Variants in CRISPLD1 observed in about 807,000 individuals in gnomAD.
CRISPLD1 encodes the protein cysteine-rich secretory protein LCCL domain-containing 1.
A neutral mutation model predicts 77.5 loss-of-function variants in CRISPLD1; 60 were observed. That is an observed-to-expected ratio of 0.77 (90% CI 0.63 to 0.96). The LOEUF is 0.96. Among genes scored for constraint, CRISPLD1 ranks in the 40% least tolerant of loss-of-function variants. CRISPLD1 has a pLI of 0.00. For missense variants in CRISPLD1, 623 were observed against 615.8 expected (o/e 1.01, Z -0.12); for synonymous variants, 195 against 200.1 (o/e 0.97, Z 0.22).
intron 2 of CRISPLD1, among the ~76,000 whole-genome samples, chr8:74,995,232 G>C (rs1812628861): frequency 6.6e-6 from 1 of 152,150 alleles, no homozygotes; most frequent in South Asian, 2.1e-4. Context: ...AGAAGAACAT[G>C]ATGACCTGGA....
intron 2 of CRISPLD1, among the ~76,000 whole-genome samples, chr8:74,993,560 C>T (rs574802472): frequency 3.7e-4 from 56 of 152,118 alleles, no homozygotes; most frequent in Non-Finnish European, 6.6e-4. Flanking sequence ...ATTTTTAAGA[C>T]TTCGACCTTT....
chr8:75,012,134 T>G (rs1199032854), intron 2 of CRISPLD1, among the ~76,000 whole-genome samples: 1 of 152,050 alleles, frequency 6.6e-6, no homozygotes, highest in Non-Finnish European at 1.5e-5. Context: ...TTGGACTTTA[T>G]GTATATGGGG....
intron 2 of CRISPLD1, among the ~76,000 whole-genome samples, chr8:75,009,810 A>G (rs544356611): frequency 5.3e-5 from 8 of 152,198 alleles, no homozygotes; most frequent in South Asian, 4.2e-4. Context: ...TGGGACTTCA[A>G]CCAAATTCAG....
In CRISPLD1 at chr8:75,033,104, T is replaced by C. The variant is rs990662929; in HGVS notation, c.*862T>C. The C allele has an allele frequency of 1.3e-5, 2 of 152,364 alleles. No homozygotes were observed. Among genetic ancestry groups the C allele is most frequent in the Admixed American group, 1.3e-4 (2 of 15,258 alleles). 9.4% of individuals were successfully genotyped at this position (152,364 alleles called of 1,614,324 possible). ...TTGCCACTGATTTTTTTTTAAATGGTAAATGACCTTGTATATAAATATTGC... is the reference window on the plus strand; with the variant it reads ...TTGCCACTGATTTTTTTTTAAATGGCAAATGACCTTGTATATAAATATTGC... On this transcript the variant is annotated 3_prime_UTR_variant, in exon 15 of 15. Coordinates refer to ENST00000262207, the MANE Select transcript of CRISPLD1 (RefSeq NM_031461.6).
chr8:75,008,270 TGTA>T (rs1055247708), intron 2 of CRISPLD1, among the ~76,000 whole-genome samples: 11 of 152,076 alleles, frequency 7.2e-5, no homozygotes, highest in African/African-American at 2.4e-4. Flanking sequence ...AAGTGGCAAT[TGTA>T]GTGTGGTTTG....
chr8:75,017,315 C>T lies in CRISPLD1; in HGVS notation c.997-5C>T, dbSNP rs1032216175. Reference sequence around the variant, plus strand: ...ACATCTTTTTATCTCCTCCTTTTTTCCAAGCAATCCAGCATCTGTAGAGCT... The same window carrying T: ...ACATCTTTTTATCTCCTCCTTTTTTTCAAGCAATCCAGCATCTGTAGAGCT... On this transcript the variant is annotated splice_region_variant and splice_polypyrimidine_tract_variant and intron_variant, in intron 9 of 14. Coordinates refer to ENST00000262207, the MANE Select transcript of CRISPLD1 (RefSeq NM_031461.6). The T allele has an allele frequency of 2.5e-6, 4 of 1,605,210 alleles. No homozygotes were observed. In the African/African-American group the frequency reaches 4.0e-5, roughly 16 times the overall value.
chr8:75,008,498 T>C (rs1587014096), intron 2 of CRISPLD1, among the ~76,000 whole-genome samples: 1 of 152,190 alleles, frequency 6.6e-6, no homozygotes. Context: ...TAAGTCATGA[T>C]AGAATTTCTT....
rs532489059 is a variant in CRISPLD1 at position 75,009,180 on chromosome 8, G to C, written c.259-3253G>C. ...GCCCTGACTTGAGTTGCTGTCATCT[G>C]AGGGCTGGCAAACTCACAGGTCACA... is the stretch of plus-strand genomic sequence containing the variant. On this transcript the variant is annotated intron_variant, in intron 2 of 14. Transcript: ENST00000262207. Among the ~76,000 whole-genome samples, 8 of 152,176 alleles carry C rather than the reference G, an allele frequency of 5.3e-5. No homozygotes were observed. In the East Asian group the frequency reaches 1.6e-3, roughly 30 times the overall value.
At position 75,006,741 on chromosome 8, in the gene CRISPLD1, C is replaced by T. The variant is rs572071786; in HGVS notation, c.259-5692C>T. 7.2e-5 allele frequency among the ~76,000 whole-genome samples: 11 copies of T among 151,942 alleles called. No homozygotes were observed. In the East Asian group the frequency reaches 2.1e-3, roughly 29 times the overall value. On this transcript the variant is annotated intron_variant, in intron 2 of 14. Coordinates refer to ENST00000262207, the MANE Select transcript of CRISPLD1 (RefSeq NM_031461.6). ...GAATCTAAAGAATTCTGTAAAACTACTTAACAAATTCAGTGTCATCCTGGT... is the reference window on the plus strand; with the variant it reads ...GAATCTAAAGAATTCTGTAAAACTATTTAACAAATTCAGTGTCATCCTGGT...
chr8:75,027,513 GT>G (rs1813254453), intron 13 of CRISPLD1, among the ~76,000 whole-genome samples: 2 of 152,122 alleles, frequency 1.3e-5, no homozygotes, highest in African/African-American at 4.8e-5. Flanking sequence ...TAGAGTTAAG[GT>G]TTTGTTGGAA....
chr8:75,016,192 A>C (rs1436642597), intron 6 of CRISPLD1, among the ~76,000 whole-genome samples: 3 of 152,164 alleles, frequency 2.0e-5, no homozygotes, highest in Non-Finnish European at 4.4e-5. Context: ...AAATATTAAG[A>C]ATATGATTTT....
chr8:74,999,565 C>A (rs1377159044), intron 2 of CRISPLD1, among the ~76,000 whole-genome samples: 1 of 152,052 alleles, frequency 6.6e-6, no homozygotes, highest in Non-Finnish European at 1.5e-5. Flanking sequence ...AACAAGACCC[C>A]AGGTGATGTG....
At chr8:75,027,135 C>G (rs1214470762) in intron 13 of CRISPLD1, among the ~76,000 whole-genome samples, 1 of 152,070 alleles carries the variant, frequency 6.6e-6, no homozygotes, top group Non-Finnish European at 1.5e-5. Context: ...ATGATTATTA[C>G]CGTATCTCTT....
chr8:75,030,995 C>T (rs1813333239), intron 14 of CRISPLD1, among the ~76,000 whole-genome samples: 2 of 151,810 alleles, frequency 1.3e-5, no homozygotes, highest in East Asian at 3.9e-4. Flanking sequence ...ACTTGTAAAT[C>T]TCAAAGCTCA....
intron 5 of CRISPLD1, 151 bp downstream of exon 5, chr8:75,014,253 C>T: frequency 1.7e-6 from 1 of 599,976 alleles, no homozygotes; most frequent in Non-Finnish European, 2.9e-6. Flanking sequence ...ATTGTAGTTG[C>T]CTAATGCATA....
intron 9 of CRISPLD1, 93 bp downstream of exon 9, chr8:75,017,206 A>C (rs1400264196): frequency 6.6e-7 from 1 of 1,512,152 alleles, no homozygotes; most frequent in Non-Finnish European, 9.1e-7. Flanking sequence ...ATAAGTATAG[A>C]TATTTTGCTC....
At chr8:74,987,057 T>C (rs1037366686) in intron 2 of CRISPLD1, among the ~76,000 whole-genome samples, 12 of 152,210 alleles carry the variant, frequency 7.9e-5, no homozygotes, top group Non-Finnish European at 1.8e-4. Flanking sequence ...GCAAAACTTA[T>C]TTAACAAACA....
chr8:74,997,961 G>T (rs146751618), intron 2 of CRISPLD1, among the ~76,000 whole-genome samples: 3 of 152,302 alleles, frequency 2.0e-5, no homozygotes, highest in Admixed American at 2.0e-4. Context: ...AGATGATGTT[G>T]CTGTGAAGAG....
chr8:74,999,592 C>A (rs1812703582), intron 2 of CRISPLD1, among the ~76,000 whole-genome samples: 1 of 152,134 alleles, frequency 6.6e-6, no homozygotes, highest in Non-Finnish European at 1.5e-5. Flanking sequence ...GCTGTTCTAG[C>A]AACCTCATTT....
Sources: allele counts gnomAD v4.1 joint callset (sites outside exome capture counted in the v4.1 genomes callset), GRCh38; gene constraint gnomAD v4.1.1; transcripts MANE v1.5; gene names NCBI Gene and HGNC (gene_info 2026-07-23, HGNC 2026-07-21).